PKM: variants seen among roughly 807,000 people sequenced by gnomAD.
PKM encodes the protein pyruvate kinase PKM.
PKM carries 18 observed loss-of-function variants against 49.8 expected under a neutral mutation model. The observed-to-expected ratio is 0.36, with a 90% CI of 0.25 to 0.54. The LOEUF (loss-of-function observed/expected upper bound fraction) is 0.54, where lower values mean the gene tolerates loss of function less well. Among genes scored for constraint, PKM ranks in the 20% least tolerant of loss-of-function variants. The probability of loss-of-function intolerance (pLI) is 0.89; values close to 1 mark genes in which losing one functional copy is unlikely to be tolerated. For missense variants in PKM, 508 were observed against 713.8 expected (o/e 0.71, Z 3.28); for synonymous variants, 239 against 261.8 (o/e 0.91, Z 0.84).
intron 8 of PKM, 199 bp downstream of exon 8, chr15:72,206,529 T>C (rs1596734232): frequency 3.4e-6 from 2 of 584,862 alleles, no homozygotes; most frequent in Non-Finnish European, 6.1e-6. Context: ...GGGGTGGGGG[T>C]GTGGGCAGGA....
Position 72,206,819 on chromosome 15 carries a change from T to G in PKM, c.1049A>C (p.Asn350Thr). ...PTRAEGSDVA[N>T]AVLDGADCIM... Reference sequence around the variant, plus strand: ...GCAGTCGGCTCCATCCAGGACTGCATTGGCCACATCACTGCCTTCAGCCCG... The same window carrying G: ...GCAGTCGGCTCCATCCAGGACTGCAGTGGCCACATCACTGCCTTCAGCCCG... Residue 350 changes from asparagine to threonine, a missense_variant, in exon 8 of 11, where the codon AAT becomes ACT. Transcript: ENST00000335181. 1 of 1,614,158 alleles carries G rather than the reference T, an allele frequency of 6.2e-7. No individual in the cohort carries two copies. The highest frequency in any genetic ancestry group is 8.5e-7 in the Non-Finnish European group (1 of 1,179,980).
chr15:72,216,246 CAA>C (rs1164327449), intron 3 of PKM, among the ~76,000 whole-genome samples: 1 of 152,214 alleles, frequency 6.6e-6, no homozygotes. Context: ...AAGACAGGTG[CAA>C]AGTTTGCCTC....
intron 7 of PKM, 31 bp from the exon 8 acceptor site, chr15:72,206,911 A>G (rs8192417): frequency 0.014 from 21,885 of 1,612,544 alleles, 729 homozygotes; most frequent in African/African-American, 0.13. Flanking sequence ...AGTGAGATGT[A>G]GCTTGAGCTG....
chr15:72,228,625 A>T, intron 1 of PKM: 1 of 1,286,084 alleles, frequency 7.8e-7, no homozygotes, highest in Non-Finnish European at 1.0e-6. Context: ...AGGTTGAGTC[A>T]TCTTCCCCAC....
chr15:72,207,553 C>T (rs1567110180), intron 6 of PKM, among the ~76,000 whole-genome samples: 1 of 152,206 alleles, frequency 6.6e-6, no homozygotes, highest in African/African-American at 2.4e-5. Context: ...GGGCTCATTC[C>T]CAAGGTCTCC....
chr15:72,231,066 G>A (rs2082854152), intron 1 of PKM, 50 bp downstream of exon 1: 2 of 735,584 alleles, frequency 2.7e-6, no homozygotes, highest in African/African-American at 1.8e-5. Context: ...CACTAGCCGG[G>A]CGACTGGCCC....
chr15:72,206,192 A>T (rs965158015), intron 8 of PKM: 1 of 161,898 alleles, frequency 6.2e-6, no homozygotes, highest in Non-Finnish European at 1.4e-5. Flanking sequence ...AGGCCAGCAC[A>T]GGCAGCTCAG....
At chr15:72,206,492 G>A (rs1369490238) in intron 8 of PKM, 3 of 568,440 alleles carry the variant, frequency 5.3e-6, no homozygotes, top group South Asian at 2.1e-5. Flanking sequence ...AATGAAGGAG[G>A]ATGCCTCCAG....
chr15:72,229,753 TCTCTAA>T (rs763737543), intron 1 of PKM: 9 of 1,124,916 alleles, frequency 8.0e-6, no homozygotes, highest in Non-Finnish European at 1.0e-5. Context: ...GTCATCCTGG[TCTCTAA>T]CTCTGACCCC....
chr15:72,228,620 G>T, intron 1 of PKM: 1 of 1,283,932 alleles, frequency 7.8e-7, no homozygotes, highest in Non-Finnish European at 1.0e-6. Flanking sequence ...TTGAAAGGTT[G>T]AGTCATCTTC....
At chr15:72,223,813 A>G (rs777760562) in intron 1 of PKM, among the ~76,000 whole-genome samples, 1 of 152,112 alleles carries the variant, frequency 6.6e-6, no homozygotes, top group Non-Finnish European at 1.5e-5. Context: ...TCTTAAGCCC[A>G]CACTTTAACC....
At position 72,199,483 on chromosome 15, in the gene PKM, C is replaced by T; in HGVS notation, c.*167G>A. The T allele has an allele frequency of 1.4e-6, 1 of 706,326 alleles. No homozygotes were observed. The highest frequency in any genetic ancestry group is 1.5e-5 in the South Asian group (1 of 66,668). 43.8% of individuals were successfully genotyped at this position (706,326 alleles called of 1,614,324 possible). ...CTCTGGGCTGTCCCACTAGAGCAGG[C>T]TGCAAACACAGCCATGTTTCAGTGA... On this transcript the variant is annotated 3_prime_UTR_variant, in exon 11 of 11. Transcript: ENST00000335181.
At chr15:72,206,663 A>C (rs555107580) in intron 8 of PKM, 65 bp downstream of exon 8, 1 of 1,514,898 alleles carries the variant, frequency 6.6e-7, no homozygotes, top group Admixed American at 1.7e-5. Flanking sequence ...GCTCTGCACC[A>C]GAGCTTGCAT....
intron 3 of PKM, 83 bp downstream of exon 3, chr15:72,217,326 C>A: frequency 1.2e-6 from 1 of 831,022 alleles, no homozygotes; most frequent in South Asian, 1.3e-5. Context: ...CTTGTCTAGT[C>A]CACTGTGGCT....
intron 1 of PKM, 194 bp downstream of exon 1, chr15:72,230,921 TG>T: frequency 7.8e-7 from 1 of 1,287,318 alleles, no homozygotes; most frequent in Non-Finnish European, 1.0e-6. Flanking sequence ...GGAACGGCGC[TG>T]GGGACTTCTG....
At position 72,229,991 on chromosome 15, in the gene PKM, G is replaced by A. The variant is rs1051091346; in HGVS notation, c.-14+1125C>T. Among the ~76,000 whole-genome samples, 7 of 152,234 alleles carry A rather than the reference G, an allele frequency of 4.6e-5. No homozygotes were observed. In the East Asian group the frequency reaches 1.4e-3, roughly 29 times the overall value. ...GGCGCGGAACGGGCGAGGGCCAGGA[G>A]GCCCCAGCAAAGCCTGCAGAGGTTT... On this transcript the variant is annotated intron_variant, in intron 1 of 10. Transcript: ENST00000335181.
At chr15:72,213,919 T>C (rs2082316006) in intron 3 of PKM, among the ~76,000 whole-genome samples, 1 of 152,220 alleles carries the variant, frequency 6.6e-6, no homozygotes, top group Non-Finnish European at 1.5e-5. Context: ...TATTTGCACA[T>C]CCTCGCATTC....
At position 72,202,701 on chromosome 15, in the gene PKM, GAAGAGT is replaced by G; in HGVS notation, c.1141-87_1141-82del. 2.4e-6 allele frequency: 3 copies of G among 1,264,766 alleles called. No homozygotes were observed. Among genetic ancestry groups the G allele is most frequent in the Non-Finnish European group, 2.3e-6 (2 of 884,802 alleles). The allele number at this position is 1,264,766 out of a possible 1,614,324, so 78.3% of individuals were successfully genotyped here. A position where few individuals can be genotyped will look rare whatever the true frequency, so the allele number is the denominator to read the frequency against. ...CTTTGTCACAAAAGGAGAGGGAGGG[GAAGAGT>G]CACCGGACAGCTGGTGAGGAACATG... On this transcript the variant is annotated intron_variant, in intron 8 of 10. Coordinates refer to ENST00000335181, the MANE Select transcript of PKM (RefSeq NM_002654.6). The surrounding 1 kb of genome is among the most constrained non-coding windows in gnomAD (Gnocchi z 4.5).
Position 72,199,713 on chromosome 15 carries a change from C to G in PKM, c.1533G>C (p.Val511=), listed in dbSNP as rs2081889717. The G allele has an allele frequency of 1.9e-6, 3 of 1,613,984 alleles. No homozygotes were observed. The highest frequency in any genetic ancestry group is 2.5e-6 in the Non-Finnish European group (3 of 1,179,874). The change falls in exon 11 of 11, where the codon GTG becomes GTC. Residue 511 remains valine (V), a synonymous_variant. Coordinates refer to ENST00000335181, the MANE Select transcript of PKM (RefSeq NM_002654.6). ...GFFKKGDVVI[V]LTGWRPGSGF... ...CGGAGCCAGGGCGCCATCCGGTCAGCACAATGACCACATCTCCCTTCTTGA... is the reference window on the plus strand; with the variant it reads ...CGGAGCCAGGGCGCCATCCGGTCAGGACAATGACCACATCTCCCTTCTTGA...
Sources: gnomAD v4.1 joint callset for allele counts (sites outside exome capture counted in the v4.1 genomes callset) on GRCh38, gnomAD v4.1.1 for gene constraint, Gnocchi (gnomAD v3.1) non-coding constraint, MANE v1.5 for transcripts, NCBI Gene and HGNC (gene_info 2026-07-23, HGNC 2026-07-21) for gene names.